The following ABCA13 variants were observed in gnomAD, a reference collection of about 807,000 sequenced individuals.
ABCA13 encodes the protein ATP-binding cassette sub-family A member 13.
Under a neutral mutation model 478.7 loss-of-function variants are expected in ABCA13, and 476 were observed. The observed-to-expected ratio is 0.99, with a 90% CI of 0.92 to 1.07. The LOEUF (loss-of-function observed/expected upper bound fraction) is 1.07. Ranked by LOEUF, ABCA13 falls within the 50% of genes least tolerant of loss-of-function variation. ABCA13 has a pLI of 0.00. For missense variants in ABCA13, 6,060 were observed against 5,910.6 expected, an observed-to-expected ratio of 1.03 and a Z score of -0.83; for synonymous variants, 2,252 against 2,158.9, an observed-to-expected ratio of 1.04 and a Z score of -1.20.
chr7:48,329,411 C>A (rs529833996), intron 27 of ABCA13, among the ~76,000 whole-genome samples: 1 of 152,284 alleles, frequency 6.6e-6, no homozygotes, highest in East Asian at 1.9e-4. Flanking sequence ...GGACATAGGG[C>A]ATTATAATTG....
rs566475003 is a variant in ABCA13, at chr7:48,644,565, T to C, written c.14944-52T>C. 2,107 of 1,536,832 alleles carry C rather than the reference T, an allele frequency of 1.4e-3. 29 individuals carry two copies. The South Asian group carries it at 0.018, about 13-fold the overall frequency. ...ATTAAATGTAGTATGATCAATTTTG[T>C]TTAATAATGCTAGTTATATGATACT... On this transcript the variant is annotated intron_variant, in intron 60 of 61. Coordinates refer to ENST00000435803, the MANE Select transcript of ABCA13 (RefSeq NM_152701.5).
At chr7:48,420,881 G>T (rs2362300) in intron 41 of ABCA13, among the ~76,000 whole-genome samples, 57,911 of 151,896 alleles carry the variant, frequency 0.38, 11,684 homozygotes, top group African/African-American at 0.51. Flanking sequence ...CTCAGTTGCA[G>T]GCCTCTTTAG....
intron 56 of ABCA13, among the ~76,000 whole-genome samples, chr7:48,583,351 C>A (rs376994317): frequency 3.9e-5 from 6 of 152,072 alleles, no homozygotes; most frequent in East Asian, 1.9e-4. Flanking sequence ...CATCTGAAAT[C>A]CTTGGTTCCC....
At position 48,244,718 on chromosome 7, in the gene ABCA13, G is replaced by A. The variant is rs1242206530; in HGVS notation, c.1390+15G>A. On this transcript the variant is annotated intron_variant, in intron 11 of 61. Coordinates refer to ENST00000435803, the MANE Select transcript of ABCA13 (RefSeq NM_152701.5). Reference sequence around the variant, plus strand: ...TTTTGTCCAAGGTAAGCTAGCTTTGGTGTTATTTGTCCCTGACTCACTAAG... The same window carrying A: ...TTTTGTCCAAGGTAAGCTAGCTTTGATGTTATTTGTCCCTGACTCACTAAG... The A allele has an allele frequency of 6.3e-7, 1 of 1,579,558 alleles. No homozygotes were observed. The highest frequency in any genetic ancestry group is 8.6e-7 in the Non-Finnish European group (1 of 1,160,668).
intron 29 of ABCA13, among the ~76,000 whole-genome samples, chr7:48,339,778 T>C (rs1297858696): frequency 6.6e-6 from 1 of 152,164 alleles, no homozygotes; most frequent in East Asian, 1.9e-4. Context: ...GAAGACCATA[T>C]CATCCAGGTG....
chr7:48,485,196 T>C (rs1352587832), intron 47 of ABCA13, among the ~76,000 whole-genome samples: 1 of 152,130 alleles, frequency 6.6e-6, no homozygotes, highest in African/African-American at 2.4e-5. Context: ...TGTTCTCCCA[T>C]GGAATTTTAT....
intron 48 of ABCA13, among the ~76,000 whole-genome samples, chr7:48,502,043 T>A (rs759353977): frequency 1.2e-4 from 19 of 152,328 alleles, no homozygotes; most frequent in Non-Finnish European, 2.4e-4. Context: ...CCTAAAAGAA[T>A]CTATAATTCT....
At chr7:48,467,171 T>G (rs1826977040) in intron 44 of ABCA13, 126 bp downstream of exon 44, 1 of 929,138 alleles carries the variant, frequency 1.1e-6, no homozygotes, top group Admixed American at 1.9e-5. Flanking sequence ...AAATGAAAAT[T>G]AGCCTAATGA....
At chr7:48,368,770 TACATATAC>T (rs1365089137) in intron 32 of ABCA13, among the ~76,000 whole-genome samples, 1 of 125,902 alleles carries the variant, frequency 7.9e-6, no homozygotes, top group Non-Finnish European at 1.7e-5. Flanking sequence ...TACACACATA[TACATATAC>T]ACACACACAC....
intron 38 of ABCA13, among the ~76,000 whole-genome samples, chr7:48,395,565 A>T (rs1027804342): frequency 1.3e-5 from 2 of 152,032 alleles, no homozygotes; most frequent in African/African-American, 4.8e-5. Flanking sequence ...CCTCTGCCTG[A>T]CCTGCCTCAA....
chr7:48,477,480 G>A lies in ABCA13; in HGVS notation c.12976-3556G>A, dbSNP rs185063797. Among the ~76,000 whole-genome samples the A allele has an allele frequency of 1.6e-3, 237 of 151,894 alleles. 1 individual carries two copies. The East Asian group carries it at 0.037, about 23-fold the overall frequency. The stretch of plus-strand genomic sequence containing the variant: ...GCACTATTCACAATAGCAAAGACTT[G>A]GAACCAACCCAAATGTCCAACAATG... On this transcript the variant is annotated intron_variant, in intron 45 of 61. Coordinates refer to ENST00000435803, the MANE Select transcript of ABCA13 (RefSeq NM_152701.5).
At position 48,313,123 on chromosome 7, in the gene ABCA13, C is replaced by T; in HGVS notation, c.9573C>T (p.Ser3191=). The T allele has an allele frequency of 1.2e-6, 2 of 1,612,826 alleles. No homozygotes were observed. The highest frequency in any genetic ancestry group is 1.3e-5 in the African/African-American group (1 of 75,024). Residue 3191 remains serine, a synonymous_variant, in exon 25 of 62, where the codon TCC becomes TCT. Transcript: ENST00000435803. The part of the protein sequence containing the change: ...GLLNSLLDIV[S]SLSALLAKAQ... ...TCAACTCCTTGCTGGATATAGTTTC[C>T]AGCCTCAGCGCCTTGCTTGCCAAAG...
chr7:48,232,281 T>C (rs191529677), intron 7 of ABCA13, among the ~76,000 whole-genome samples: 6 of 151,304 alleles, frequency 4.0e-5, no homozygotes, highest in Non-Finnish European at 8.8e-5. Context: ...GGGTGCGAGA[T>C]GAATAAAACA....
intron 55 of ABCA13, among the ~76,000 whole-genome samples, chr7:48,536,564 C>T (rs1209564923): frequency 2.6e-5 from 4 of 151,876 alleles, no homozygotes; most frequent in African/African-American, 4.8e-5. Flanking sequence ...GGGAGAATCA[C>T]GTCAACTCTG....
intron 3 of ABCA13, among the ~76,000 whole-genome samples, chr7:48,206,977 T>A (rs1463954702): frequency 2.0e-5 from 3 of 152,164 alleles, no homozygotes; most frequent in Non-Finnish European, 4.4e-5. Context: ...ACCACTACCC[T>A]TCTCAGCCTC....
chr7:48,645,575 T>C lies in ABCA13; in HGVS notation c.*63T>C, dbSNP rs1393491427. The C allele has an allele frequency of 1.5e-5, 20 of 1,364,804 alleles. No homozygotes were observed. The allele number at this position is 1,364,804 out of a possible 1,614,324, so 84.5% of individuals were successfully genotyped here. On this transcript the variant is annotated 3_prime_UTR_variant, in exon 62 of 62. Coordinates refer to ENST00000435803, the MANE Select transcript of ABCA13 (RefSeq NM_152701.5). ...TTCCATTACAATTAACAGTCAAGGATAAAACAAGCACGCGCACAATCAAGG... is the reference window on the plus strand; with the variant it reads ...TTCCATTACAATTAACAGTCAAGGACAAAACAAGCACGCGCACAATCAAGG...
chr7:48,447,757 G>C (rs1039833423), intron 42 of ABCA13, among the ~76,000 whole-genome samples: 4 of 152,168 alleles, frequency 2.6e-5, no homozygotes, highest in Admixed American at 2.0e-4. Flanking sequence ...TCACCCATCA[G>C]ACCTTACTGA....
chr7:48,390,146 C>T (rs1168046324), intron 37 of ABCA13, among the ~76,000 whole-genome samples: 1 of 152,192 alleles, frequency 6.6e-6, no homozygotes, highest in Non-Finnish European at 1.5e-5. Flanking sequence ...TCCTCTCACC[C>T]TGCTTTTACT....
At chr7:48,476,687 G>T (rs546287593) in intron 45 of ABCA13, among the ~76,000 whole-genome samples, 3 of 152,168 alleles carry the variant, frequency 2.0e-5, no homozygotes, top group African/African-American at 4.8e-5. Context: ...CCGGGAATGG[G>T]TTCTGGCCTT....
Sources: allele counts gnomAD v4.1 joint callset (sites outside exome capture counted in the v4.1 genomes callset), GRCh38; gene constraint gnomAD v4.1.1; transcripts MANE v1.5; gene names NCBI Gene and HGNC (gene_info 2026-07-23, HGNC 2026-07-21).